Variants in XRCC6 observed in about 807,000 individuals in gnomAD.
XRCC6 encodes X-ray repair cross complementing 6, also known as DNA repair protein Ku70.
A neutral mutation model predicts 65.7 loss-of-function variants in XRCC6; 5 were observed. The ratio of observed to expected loss-of-function variants is 0.08; its 90% confidence interval spans 0.04 to 0.16. The LOEUF (loss-of-function observed/expected upper bound fraction) is 0.16, where lower values mean the gene tolerates loss of function less well. XRCC6 is among the 10% of genes least tolerant of loss of function. The pLI, the probability that XRCC6 is intolerant of heterozygous loss-of-function variation, is 1.00. For missense variants in XRCC6, 447 were observed against 738.1 expected (o/e 0.61, Z 4.57); for synonymous variants, 270 against 270.6 (o/e 1.00, Z 0.02).
chr22:41,659,100 A>G (rs577458606), intron 11 of XRCC6, among the ~76,000 whole-genome samples: 52 of 151,986 alleles, frequency 3.4e-4, no homozygotes, highest in Non-Finnish European at 5.6e-4. Context: ...CCGCCCGGCT[A>G]ATTTTTGTAT....
intron 6 of XRCC6, among the ~76,000 whole-genome samples, chr22:41,641,795 A>G (rs1472901529): frequency 3.9e-5 from 6 of 152,004 alleles, no homozygotes; most frequent in Non-Finnish European, 8.8e-5. Flanking sequence ...CAATGACAGG[A>G]TCTCCTTTTT....
At chr22:41,630,876 A>G (rs1247721587) in intron 3 of XRCC6, among the ~76,000 whole-genome samples, 1 of 152,186 alleles carries the variant, frequency 6.6e-6, no homozygotes, top group African/African-American at 2.4e-5. Flanking sequence ...CCACACAGAC[A>G]CGGCAACCAT....
At position 41,650,709 on chromosome 22, in the gene XRCC6, T is replaced by G; in HGVS notation, c.961-14T>G. On this transcript the variant is annotated splice_polypyrimidine_tract_variant and intron_variant, in intron 7 of 12. Coordinates refer to ENST00000360079, the MANE Select transcript of XRCC6 (RefSeq NM_001469.5). ...TAGCCTTCCCATTTGATCCTTGTCGTTCTTCTCCTTCAGATCTATGGGAGT... is the reference window on the plus strand; with the variant it reads ...TAGCCTTCCCATTTGATCCTTGTCGGTCTTCTCCTTCAGATCTATGGGAGT... 1 of 1,610,534 alleles carries G rather than the reference T, an allele frequency of 6.2e-7. No homozygotes were observed. The highest frequency in any genetic ancestry group is 8.5e-7 in the Non-Finnish European group (1 of 1,178,040).
chr22:41,638,596 C>T (rs574919013), intron 6 of XRCC6, among the ~76,000 whole-genome samples: 5 of 152,056 alleles, frequency 3.3e-5, no homozygotes, highest in African/African-American at 1.2e-4. Context: ...CCATCCTGGC[C>T]TACATGGTGA....
chr22:41,641,620 C>T (rs2067878764), intron 6 of XRCC6, among the ~76,000 whole-genome samples: 1 of 152,182 alleles, frequency 6.6e-6, no homozygotes, highest in African/African-American at 2.4e-5. Context: ...TTACCCTTCA[C>T]AGCCTCTGGT....
At chr22:41,657,110 A>C in intron 10 of XRCC6, 78 bp downstream of exon 10, 1 of 1,474,210 alleles carries the variant, frequency 6.8e-7, no homozygotes, top group South Asian at 1.4e-5. Flanking sequence ...ATAGGCCAAG[A>C]GAATGGCACT....
chr22:41,626,102 T>C (rs147353853), intron 2 of XRCC6, among the ~76,000 whole-genome samples: 2,299 of 151,658 alleles, frequency 0.015, 31 homozygotes, highest in South Asian at 0.028. Context: ...CCTCTGAAGG[T>C]GCTGGGATTA....
chr22:41,637,899 C>G, intron 6 of XRCC6, 108 bp downstream of exon 6: 1 of 1,207,948 alleles, frequency 8.3e-7, no homozygotes, highest in South Asian at 1.8e-5. Flanking sequence ...CCAAGGCAGG[C>G]GGATTGCTTG....
intron 7 of XRCC6, 91 bp downstream of exon 7, chr22:41,647,173 G>A (rs1009747876): frequency 1.5e-5 from 21 of 1,400,980 alleles, no homozygotes; most frequent in African/African-American, 8.6e-5. Flanking sequence ...AACATGACTC[G>A]CTACAGCCTT....
At chr22:41,642,386 A>T (rs773059564) in intron 6 of XRCC6, among the ~76,000 whole-genome samples, 2 of 152,046 alleles carry the variant, frequency 1.3e-5, no homozygotes, top group African/African-American at 2.4e-5. Flanking sequence ...TGTCAGATGG[A>T]TAGTTTCCAG....
intron 9 of XRCC6, among the ~76,000 whole-genome samples, chr22:41,655,342 T>A (rs201853508): frequency 6.6e-6 from 1 of 151,596 alleles, no homozygotes; most frequent in Non-Finnish European, 1.5e-5. Context: ...TTTTTTTTTT[T>A]ATGCTGAGGT....
intron 6 of XRCC6, among the ~76,000 whole-genome samples, chr22:41,641,990 T>C (rs771676643): frequency 2.0e-5 from 3 of 152,198 alleles, no homozygotes; most frequent in Non-Finnish European, 4.4e-5. Flanking sequence ...AGTTTCACCA[T>C]GTTGACCAGG....
At chr22:41,621,417 CT>C (rs2067602310) in intron 1 of XRCC6, 72 bp downstream of exon 1, 1 of 162,692 alleles carries the variant, frequency 6.1e-6, no homozygotes, top group Non-Finnish European at 1.3e-5. Context: ...CTCGGTCGGT[CT>C]CGCGCGCCCC....
At chr22:41,639,989 T>C (rs958204755) in intron 6 of XRCC6, among the ~76,000 whole-genome samples, 1 of 151,786 alleles carries the variant, frequency 6.6e-6, no homozygotes, top group Non-Finnish European at 1.5e-5. Flanking sequence ...AGCCTTGATA[T>C]TAGAATCCTA....
rs546279717 is a variant in XRCC6, at chr22:41,643,285, T to G, written c.774-3611T>G. 9.9e-5 allele frequency among the ~76,000 whole-genome samples: 15 copies of G among 152,088 alleles called. No homozygotes were observed. In the South Asian group the frequency reaches 3.1e-3, roughly 32 times the overall value. ...TTAGCCAGGCTTGGTGGTGGGCGCCTGTAGTCCCAGCTACTCAGGTGACTG... is the reference window on the plus strand; with the variant it reads ...TTAGCCAGGCTTGGTGGTGGGCGCCGGTAGTCCCAGCTACTCAGGTGACTG... On this transcript the variant is annotated intron_variant, in intron 6 of 12. Coordinates refer to ENST00000360079, the MANE Select transcript of XRCC6 (RefSeq NM_001469.5).
chr22:41,625,420 C>A (rs554028148), intron 2 of XRCC6, among the ~76,000 whole-genome samples: 1 of 152,120 alleles, frequency 6.6e-6, no homozygotes, highest in Non-Finnish European at 1.5e-5. Flanking sequence ...CACCTGAGGT[C>A]GGGAGTTTGA....
At chr22:41,659,316 G>A (rs529742670) in intron 11 of XRCC6, among the ~76,000 whole-genome samples, 103 of 152,130 alleles carry the variant, frequency 6.8e-4, no homozygotes, top group African/African-American at 2.4e-3. Flanking sequence ...TTCAGAAGTC[G>A]GTGGCCTAGT....
At chr22:41,655,149 T>TCTA (rs2068033211) in intron 9 of XRCC6, among the ~76,000 whole-genome samples, 1 of 152,026 alleles carries the variant, frequency 6.6e-6, no homozygotes, top group African/African-American at 2.4e-5. Context: ...AAAGCACAAG[T>TCTA]GTAGTGGTGC....
Position 41,621,991 on chromosome 22 carries a change from G to A in XRCC6, c.-14G>A, listed in dbSNP as rs778696905. The A allele has an allele frequency of 1.2e-6, 2 of 1,614,172 alleles. No homozygotes were observed. The highest frequency in any genetic ancestry group is 2.2e-5 in the East Asian group (1 of 44,892). On this transcript the variant is annotated splice_region_variant and 5_prime_UTR_variant, in exon 2 of 13. It removes the in-frame stop codon of an upstream open reading frame in the 5' UTR. Transcript: ENST00000360079. ...CTGACGTTAACGTCTTTCGCCTAGTGAGCAGTAGCCAACATGTCAGGGTGG... is the reference window on the plus strand; with the variant it reads ...CTGACGTTAACGTCTTTCGCCTAGTAAGCAGTAGCCAACATGTCAGGGTGG...
Sources: allele counts gnomAD v4.1 joint callset (sites outside exome capture counted in the v4.1 genomes callset), GRCh38; gene constraint gnomAD v4.1.1; transcripts MANE v1.5; gene names NCBI Gene and HGNC (gene_info 2026-07-23, HGNC 2026-07-21).